The following SMAD5 variants were observed in gnomAD, a reference collection of about 807,000 sequenced individuals.
The protein encoded by SMAD5 is MAD, mothers against decapentaplegic homolog 5.
In SMAD5, 9 loss-of-function variants were observed where a neutral mutation model predicts 43.1. The ratio of observed to expected loss-of-function variants is 0.21; its 90% CI spans 0.13 to 0.36. The LOEUF (loss-of-function observed/expected upper bound fraction) is 0.36, where lower values mean the gene tolerates loss of function less well. Among genes scored for constraint, SMAD5 ranks in the 10% least tolerant of loss-of-function variants. SMAD5 has a pLI of 1.00. For missense variants in SMAD5, 348 were observed against 574.0 expected (o/e 0.61, Z 4.02); for synonymous variants, 190 against 192.4 (o/e 0.99, Z 0.10).
Position 136,137,270 on chromosome 5 carries a change from A to ACCCCCCCCCC in SMAD5, c.-245+4317_-245+4318insCCCCCCCCCC, listed in dbSNP as rs61537356. ...AGGTTTTGCTCTTGAATTTTTTGGG[A>ACCCCCCCCCC]CCCCCCCCCGCATCTCTTCCTATAG... On this transcript the variant is annotated intron_variant, in intron 1 of 7. Transcript: ENST00000545279. Among the ~76,000 whole-genome samples the ACCCCCCCCCC allele has an allele frequency of 5.7e-4, 71 of 125,186 alleles. 2 individuals carry two copies. The highest frequency in any genetic ancestry group is 7.2e-4 in the African/African-American group (23 of 32,050). The allele number at this position is 125,186 out of a possible 152,430, so 82.1% of individuals were successfully genotyped here. A position where few individuals can be genotyped will look rare whatever the true frequency, so the allele number is the denominator to read the frequency against.
chr5:136,152,680 G>A (rs1467867575), intron 2 of SMAD5: 2 of 152,040 alleles, frequency 1.3e-5, no homozygotes, highest in Admixed American at 6.5e-5. Context: ...TTTAGAAATG[G>A]GATCTCACTA....
chr5:136,163,476 G>T, intron 5 of SMAD5, 85 bp downstream of exon 5: 2 of 1,123,386 alleles, frequency 1.8e-6, no homozygotes, highest in Non-Finnish European at 2.4e-6. Flanking sequence ...GCTTTATTGA[G>T]GTATAATTTA....
chr5:136,161,932 A>G (rs1259112673), intron 4 of SMAD5, among the ~76,000 whole-genome samples: 8 of 152,384 alleles, frequency 5.2e-5, no homozygotes, highest in Admixed American at 3.9e-4. Flanking sequence ...ATTTCTGGTC[A>G]CAAAAATATC....
rs60311104 is a variant in SMAD5 at position 136,176,457 on chromosome 5, C to CAAAAA, written c.1255-858_1255-854dup. On this transcript the variant is annotated intron_variant, in intron 7 of 7. Transcript: ENST00000545279. ...GCAACAAGAGAGAAACTCTGTCTCA[C>CAAAAA]AAAAAAAAAAAAAAAAAAAAAAAAA... Among the ~76,000 whole-genome samples the CAAAAA allele has an allele frequency of 5.3e-4, 36 of 68,510 alleles. 2 individuals are homozygous for CAAAAA. Among genetic ancestry groups the CAAAAA allele is most frequent in the African/African-American group, 1.6e-3 (33 of 20,622 alleles). The allele number at this position is 68,510 out of a possible 152,430, so 44.9% of individuals were successfully genotyped here. A position where few individuals can be genotyped will look rare whatever the true frequency, so the allele number is the denominator to read the frequency against.
intron 4 of SMAD5, among the ~76,000 whole-genome samples, chr5:136,161,871 A>C (rs1753835797): frequency 6.6e-6 from 1 of 152,236 alleles, no homozygotes; most frequent in African/African-American, 2.4e-5. Flanking sequence ...TTACAAAGCC[A>C]GTTTTATCAT....
chr5:136,142,754 A>G (rs1258145990), intron 1 of SMAD5, among the ~76,000 whole-genome samples: 1 of 152,058 alleles, frequency 6.6e-6, no homozygotes, highest in Non-Finnish European at 1.5e-5. Flanking sequence ...CTTGGTGTAC[A>G]TTTTTTTAAA....
intron 2 of SMAD5, among the ~76,000 whole-genome samples, chr5:136,149,807 T>G (rs963835395): frequency 6.6e-6 from 1 of 151,818 alleles, no homozygotes. Flanking sequence ...AGTGCTAAGT[T>G]TTTTAGTCAT....
At chr5:136,172,713 G>T in intron 6 of SMAD5, 58 bp downstream of exon 6, 2 of 1,177,354 alleles carry the variant, frequency 1.7e-6, no homozygotes, top group Non-Finnish European at 2.5e-6. Context: ...TACTTGCCAT[G>T]AACCATGCAT....
At chr5:136,169,085 A>G (rs1754125150) in intron 5 of SMAD5, among the ~76,000 whole-genome samples, 1 of 152,202 alleles carries the variant, frequency 6.6e-6, no homozygotes, top group Non-Finnish European at 1.5e-5. Context: ...CCAAAACCTC[A>G]AAAGTAGGGA....
chr5:136,156,445 T>G (rs916484442), intron 3 of SMAD5, among the ~76,000 whole-genome samples: 7 of 152,084 alleles, frequency 4.6e-5, no homozygotes, highest in African/African-American at 1.7e-4. Flanking sequence ...AGACTGAAAA[T>G]AACATTGGAT....
intron 1 of SMAD5, among the ~76,000 whole-genome samples, chr5:136,145,705 C>T (rs1264208732): frequency 6.6e-6 from 1 of 151,900 alleles, no homozygotes; most frequent in Non-Finnish European, 1.5e-5. Flanking sequence ...TGAGTATGCA[C>T]TGTGTACTAA....
chr5:136,171,457 C>G (rs539275615), intron 5 of SMAD5, among the ~76,000 whole-genome samples: 1 of 152,284 alleles, frequency 6.6e-6, no homozygotes, highest in East Asian at 1.9e-4. Context: ...CTCACTCCAC[C>G]CAGAGGGTTG....
intron 2 of SMAD5, among the ~76,000 whole-genome samples, chr5:136,151,993 A>G (rs1753485313): frequency 6.6e-6 from 1 of 152,008 alleles, no homozygotes; most frequent in South Asian, 2.1e-4. Flanking sequence ...AGTGACAATT[A>G]TGCTTTCATT....
At chr5:136,152,414 T>A (rs957329482) in intron 2 of SMAD5, among the ~76,000 whole-genome samples, 1 of 152,198 alleles carries the variant, frequency 6.6e-6, no homozygotes, top group Non-Finnish European at 1.5e-5. Context: ...TTATTTACTT[T>A]ATGTTATTGT....
At chr5:136,164,011 C>A (rs1243690567) in intron 5 of SMAD5, among the ~76,000 whole-genome samples, 1 of 152,056 alleles carries the variant, frequency 6.6e-6, no homozygotes, top group Non-Finnish European at 1.5e-5. Flanking sequence ...GGTGAAACCC[C>A]GTCTCTACTA....
At position 136,177,229 on chromosome 5, in the gene SMAD5, TC is replaced by T. The variant is rs1323314179; in HGVS notation, c.1255-107del. On this transcript the variant is annotated intron_variant, in intron 7 of 7. Coordinates refer to ENST00000545279, the MANE Select transcript of SMAD5 (RefSeq NM_005903.7). ...TGATAGTTATTCTCTTTATGTAACT[TC>T]TACATATCTCTACTGTTAAAAGCTA... 11 of 890,564 alleles carry T rather than the reference TC, an allele frequency of 1.2e-5. No homozygotes were observed. In the African/African-American group the frequency reaches 1.8e-4, roughly 15 times the overall value. 55.2% of individuals were successfully genotyped at this position (890,564 alleles called of 1,614,324 possible).
At chr5:136,145,180 T>G (rs989822821) in intron 1 of SMAD5, among the ~76,000 whole-genome samples, 4 of 151,832 alleles carry the variant, frequency 2.6e-5, no homozygotes, top group Non-Finnish European at 4.4e-5. Context: ...TGAGTATTGC[T>G]TTTGGCCAGG....
At chr5:136,155,478 A>G (rs1328607112) in intron 3 of SMAD5, among the ~76,000 whole-genome samples, 6 of 152,096 alleles carry the variant, frequency 3.9e-5, no homozygotes, top group Non-Finnish European at 7.4e-5. Flanking sequence ...CCCTTAACCC[A>G]TTGTGTTTTC....
At chr5:136,157,960 T>C (rs1173830492) in intron 3 of SMAD5, among the ~76,000 whole-genome samples, 1 of 152,220 alleles carries the variant, frequency 6.6e-6, no homozygotes, top group East Asian at 1.9e-4. Flanking sequence ...AGATTTAGTT[T>C]CCTCATTGTA....
Sources: gnomAD v4.1 joint callset for allele counts (sites outside exome capture counted in the v4.1 genomes callset) on GRCh38, gnomAD v4.1.1 for gene constraint, MANE v1.5 for transcripts, NCBI Gene and HGNC (gene_info 2026-07-23, HGNC 2026-07-21) for gene names.